NRXN1: variants seen among roughly 807,000 people sequenced by gnomAD.
The protein encoded by NRXN1 is neurexin-1.
In NRXN1, 39 loss-of-function variants were observed where a neutral mutation model predicts 150.9. The observed-to-expected ratio is 0.26, with a 90% CI of 0.20 to 0.34. The LOEUF (loss-of-function observed/expected upper bound fraction) is 0.34. Among genes scored for constraint, NRXN1 ranks in the 10% least tolerant of loss-of-function variants. The probability of loss-of-function intolerance (pLI) is 1.00; values close to 1 mark genes in which losing one functional copy is unlikely to be tolerated. For missense variants in NRXN1, 1,815 were observed against 1,949.9 expected (o/e 0.93, Z 1.30); for synonymous variants, 924 against 757.0 (o/e 1.22, Z -3.62).
At chr2:50,004,910 A>C (rs1320187378) in intron 21 of NRXN1, among the ~76,000 whole-genome samples, 1 of 152,052 alleles carries the variant, frequency 6.6e-6, no homozygotes, top group Non-Finnish European at 1.5e-5. Flanking sequence ...CATTGCTAAA[A>C]CTCTGGCAAC....
chr2:50,419,088 G>T (rs994283729), intron 17 of NRXN1, among the ~76,000 whole-genome samples: 3 of 152,026 alleles, frequency 2.0e-5, no homozygotes, highest in African/African-American at 7.2e-5. Flanking sequence ...GTCATCAAAT[G>T]AATGAACTCA....
chr2:50,723,199 G>A (rs992625256), intron 5 of NRXN1, among the ~76,000 whole-genome samples: 21 of 152,090 alleles, frequency 1.4e-4, no homozygotes, highest in African/African-American at 4.8e-4. Context: ...AATTGCACAG[G>A]CCCCAGGAAA....
At position 50,253,349 on chromosome 2, in the gene NRXN1, G is replaced by A. The variant is rs118091029; in HGVS notation, c.3365-16379C>T. ...GGTTTTCTAAATATAGGATCATGTC[G>A]TCTGCAAACAGAGACAGTTTAACTT... On this transcript the variant is annotated intron_variant, in intron 17 of 22. Transcript: ENST00000401669. Among the ~76,000 whole-genome samples, 209 of 152,154 alleles carry A rather than the reference G, an allele frequency of 1.4e-3. 4 individuals carry two copies. Among genetic ancestry groups the A allele is most frequent in the East Asian group, 0.011 (58 of 5,164 alleles).
At chr2:50,657,459 A>C (rs1686658101) in intron 5 of NRXN1, among the ~76,000 whole-genome samples, 1 of 152,042 alleles carries the variant, frequency 6.6e-6, no homozygotes, top group Non-Finnish European at 1.5e-5. Flanking sequence ...CATCTCCTAC[A>C]GTAGAATATG....
At chr2:50,685,724 G>A (rs1041888038) in intron 5 of NRXN1, among the ~76,000 whole-genome samples, 2 of 151,868 alleles carry the variant, frequency 1.3e-5, no homozygotes, top group Non-Finnish European at 2.9e-5. Context: ...TGTCAGTATC[G>A]TATTGAAAAT....
At chr2:50,092,544 C>A (rs1030405492) in intron 18 of NRXN1, among the ~76,000 whole-genome samples, 1 of 152,188 alleles carries the variant, frequency 6.6e-6, no homozygotes, top group Non-Finnish European at 1.5e-5. Context: ...TACACACAGT[C>A]CATCCTTTCC....
In NRXN1 at chr2:50,749,834, C is replaced by T. The variant is rs138325042; in HGVS notation, c.833-126219G>A. Among the ~76,000 whole-genome samples, 24 of 152,028 alleles carry T rather than the reference C, an allele frequency of 1.6e-4. No individual in the cohort carries two copies. In the East Asian group the frequency reaches 4.1e-3, roughly 26 times the overall value. On this transcript the variant is annotated intron_variant, in intron 5 of 22. Coordinates refer to ENST00000401669, the MANE Select transcript of NRXN1 (RefSeq NM_001330078.2). ...AAAGGGTAAATAACTTATCCAAGGT[C>T]CCAAGTACATTGATGGCTGAAATGG...
intron 8 of NRXN1, among the ~76,000 whole-genome samples, chr2:50,598,734 ATG>A (rs1331377895): frequency 6.8e-6 from 1 of 147,472 alleles, no homozygotes; most frequent in African/African-American, 2.5e-5. Flanking sequence ...ACACATATAT[ATG>A]TATATATATA....
At chr2:50,407,465 C>G (rs1015812058) in intron 17 of NRXN1, among the ~76,000 whole-genome samples, 1 of 152,128 alleles carries the variant, frequency 6.6e-6, no homozygotes, top group African/African-American at 2.4e-5. Context: ...TGTCCCTCTC[C>G]TAAAGACTCC....
chr2:50,438,466 C>T (rs2085645750), intron 17 of NRXN1, among the ~76,000 whole-genome samples: 1 of 152,184 alleles, frequency 6.6e-6, no homozygotes. Flanking sequence ...TCTGAGCTGA[C>T]TCAAAAATGC....
intron 17 of NRXN1, among the ~76,000 whole-genome samples, chr2:50,314,045 G>C (rs903938112): frequency 6.6e-6 from 1 of 151,890 alleles, no homozygotes; most frequent in Non-Finnish European, 1.5e-5. Context: ...CGAGTATCTG[G>C]GAACCTCAAA....
At chr2:50,038,203 T>C (rs1690346796) in intron 21 of NRXN1, among the ~76,000 whole-genome samples, 1 of 152,178 alleles carries the variant, frequency 6.6e-6, no homozygotes, top group Non-Finnish European at 1.5e-5. Flanking sequence ...CTCTGTGACA[T>C]TGTGGTGGCG....
intron 18 of NRXN1, among the ~76,000 whole-genome samples, chr2:50,157,123 C>A (rs1251981511): frequency 1.3e-5 from 2 of 151,958 alleles, no homozygotes; most frequent in African/African-American, 4.8e-5. Flanking sequence ...TTAATCACTA[C>A]ATAAAATGCC....
At chr2:50,435,959 G>T (rs2085382977) in intron 17 of NRXN1, among the ~76,000 whole-genome samples, 1 of 151,696 alleles carries the variant, frequency 6.6e-6, no homozygotes, top group Non-Finnish European at 1.5e-5. Flanking sequence ...TAAAATAAAA[G>T]TTATAAAAAT....
intron 5 of NRXN1, among the ~76,000 whole-genome samples, chr2:50,653,107 A>G (rs1387129770): frequency 1.3e-5 from 2 of 152,088 alleles, no homozygotes; most frequent in Non-Finnish European, 2.9e-5. Context: ...CCATATCTTA[A>G]TGAATGCTGC....
intron 2 of NRXN1, among the ~76,000 whole-genome samples, chr2:50,975,278 T>C (rs1358546907): frequency 6.6e-6 from 1 of 152,112 alleles, no homozygotes; most frequent in Non-Finnish European, 1.5e-5. Flanking sequence ...ACAAAAACTC[T>C]TTGGGTCTCT....
intron 5 of NRXN1, among the ~76,000 whole-genome samples, chr2:50,725,854 C>G (rs1697293519): frequency 6.6e-6 from 1 of 152,024 alleles, no homozygotes; most frequent in Non-Finnish European, 1.5e-5. Context: ...CATTAATATT[C>G]AAGATAATAT....
intron 5 of NRXN1, among the ~76,000 whole-genome samples, chr2:50,634,967 C>T (rs1683015111): frequency 6.6e-6 from 1 of 152,120 alleles, no homozygotes; most frequent in South Asian, 2.1e-4. Flanking sequence ...TCTCATCCCC[C>T]AGCTCATCTC....
At chr2:50,467,936 G>C (rs760098153) in intron 16 of NRXN1, among the ~76,000 whole-genome samples, 12 of 151,506 alleles carry the variant, frequency 7.9e-5, no homozygotes, top group Non-Finnish European at 1.6e-4. Context: ...CAAACTGTGA[G>C]AGGGAAGTGG....
Sources: allele counts gnomAD v4.1 joint callset (sites outside exome capture counted in the v4.1 genomes callset), GRCh38; gene constraint gnomAD v4.1.1; transcripts MANE v1.5; gene names NCBI Gene and HGNC (gene_info 2026-07-23, HGNC 2026-07-21).